Variants in DNM3 observed in about 807,000 individuals in gnomAD.
The protein encoded by DNM3 is dynamin-3.
Under a neutral mutation model 101.6 loss-of-function variants are expected in DNM3, and 47 were observed. The observed-to-expected ratio is 0.46, with a 90% CI of 0.37 to 0.59. DNM3 has a LOEUF of 0.59. DNM3 is among the 20% of genes least tolerant of loss of function. DNM3 has a pLI of 0.00. For synonymous variants in DNM3, 385 were observed against 387.9 expected (o/e 0.99, Z 0.09); for missense variants, 849 against 1,085.7 (o/e 0.78, Z 3.06).
Position 172,409,927 on chromosome 1 carries a change from C to G in DNM3, c.*2086C>G. On this transcript the variant is annotated 3_prime_UTR_variant, in exon 21 of 21. Transcript: ENST00000627582. ...TGGTGTGTTCTTAGATCAGCACAAA[C>G]CATGTCAAAAAAAATTGGAGATTTT... 1 of 985,632 alleles carries G rather than the reference C, an allele frequency of 1.0e-6. No homozygotes were observed. Among genetic ancestry groups the G allele is most frequent in the Non-Finnish European group, 1.2e-6 (1 of 829,848 alleles). The allele number at this position is 985,632 out of a possible 1,614,324, so 61.1% of individuals were successfully genotyped here.
At chr1:172,106,375 C>T (rs1221456996) in intron 13 of DNM3, among the ~76,000 whole-genome samples, 1 of 151,922 alleles carries the variant, frequency 6.6e-6, no homozygotes, top group Admixed American at 6.6e-5. Flanking sequence ...GAGCCGACAT[C>T]GTGCCACTGT....
At chr1:172,099,541 G>C (rs376053213) in intron 13 of DNM3, among the ~76,000 whole-genome samples, 39 of 149,496 alleles carry the variant, frequency 2.6e-4, no homozygotes, top group Middle Eastern at 6.8e-3. Context: ...GTGGGAAATA[G>C]AAAAATATAC....
intron 15 of DNM3, among the ~76,000 whole-genome samples, chr1:172,269,784 AGCGTGGG>A (rs538961439): frequency 2.1e-4 from 32 of 152,316 alleles, no homozygotes; most frequent in Non-Finnish European, 4.0e-4. Flanking sequence ...AATTTGTGAT[AGCGTGGG>A]GCCCCCAGGC....
At chr1:171,998,147 A>G (rs1019773822) in intron 4 of DNM3, among the ~76,000 whole-genome samples, 2 of 152,140 alleles carry the variant, frequency 1.3e-5, no homozygotes, top group Non-Finnish European at 2.9e-5. Flanking sequence ...TCTTTCCATT[A>G]TATCATCTAT....
intron 2 of DNM3, among the ~76,000 whole-genome samples, chr1:171,949,069 A>G (rs1297281256): frequency 6.6e-6 from 1 of 152,216 alleles, no homozygotes; most frequent in Non-Finnish European, 1.5e-5. Context: ...TCAGAAATTT[A>G]TCATTTTCAT....
At chr1:172,256,905 G>GCT (rs1553211146) in intron 15 of DNM3, among the ~76,000 whole-genome samples, 2 of 144,552 alleles carry the variant, frequency 1.4e-5, no homozygotes, top group Admixed American at 1.4e-4. Flanking sequence ...TCTTCATCAT[G>GCT]TTTTTTTTTT....
intron 13 of DNM3, among the ~76,000 whole-genome samples, chr1:172,123,839 A>G (rs142678582): frequency 2.1e-4 from 32 of 152,222 alleles, no homozygotes; most frequent in African/African-American, 7.7e-4. Context: ...CTGGTGGCCA[A>G]CCAGGGCTGT....
rs1477771016 is a variant in DNM3 at position 172,408,196 on chromosome 1, A to T, written c.*355A>T. 1 of 1,064,084 alleles carries T rather than the reference A, an allele frequency of 9.4e-7. No homozygotes were observed. The highest frequency in any genetic ancestry group is 1.1e-6 in the Non-Finnish European group (1 of 877,618). 65.9% of individuals were successfully genotyped at this position (1,064,084 alleles called of 1,614,324 possible). Reference sequence around the variant, plus strand: ...TAGCTCATTAAACGTAATTCTTCAGATATGAGATAGTGGGCTTAGACCTAA... The same window carrying T: ...TAGCTCATTAAACGTAATTCTTCAGTTATGAGATAGTGGGCTTAGACCTAA... On this transcript the variant is annotated 3_prime_UTR_variant, in exon 21 of 21. Coordinates refer to ENST00000627582, the MANE Select transcript of DNM3 (RefSeq NM_015569.5).
chr1:172,364,945 A>G lies in DNM3; in HGVS notation c.1894-14073A>G, dbSNP rs569391373. ...CAGAAGCCAGGCAGATGCTAGTATC[A>G]TGCTTTCTGTACAGCCTGCAGAGTC... is the stretch of plus-strand genomic sequence containing the variant. On this transcript the variant is annotated intron_variant, in intron 17 of 20. Coordinates refer to ENST00000627582, the MANE Select transcript of DNM3 (RefSeq NM_015569.5). Among the ~76,000 whole-genome samples the G allele has an allele frequency of 2.0e-5, 3 of 151,864 alleles. No homozygotes were observed. The South Asian group carries it at 6.2e-4, about 31-fold the overall frequency.
intron 2 of DNM3, among the ~76,000 whole-genome samples, chr1:171,965,529 C>T (rs183766276): frequency 1.4e-5 from 2 of 145,724 alleles, no homozygotes; most frequent in Non-Finnish European, 3.0e-5. Flanking sequence ...AAAGCCTGGA[C>T]AACAGAGCTA....
At chr1:172,113,173 TA>T (rs1325633722) in intron 13 of DNM3, among the ~76,000 whole-genome samples, 4 of 152,156 alleles carry the variant, frequency 2.6e-5, no homozygotes, top group African/African-American at 9.7e-5. Context: ...TGGAAAGAAG[TA>T]AAAAATTATA....
At chr1:172,236,091 C>T (rs1015034224) in intron 14 of DNM3, among the ~76,000 whole-genome samples, 2 of 152,142 alleles carry the variant, frequency 1.3e-5, no homozygotes, top group Non-Finnish European at 2.9e-5. Context: ...CCAATCAGTG[C>T]TCCACTCCAA....
intron 17 of DNM3, among the ~76,000 whole-genome samples, chr1:172,365,352 G>A (rs554209087): frequency 6.6e-5 from 10 of 151,818 alleles, no homozygotes; most frequent in Non-Finnish European, 1.3e-4. Context: ...GTTGAGTAAC[G>A]AGAGATTAAT....
At chr1:172,191,778 A>G (rs920075320) in intron 14 of DNM3, among the ~76,000 whole-genome samples, 23 of 152,134 alleles carry the variant, frequency 1.5e-4, no homozygotes, top group African/African-American at 5.6e-4. Context: ...CTTTGAAGCA[A>G]TTGTGAATGG....
chr1:171,964,507 T>C (rs895878756), intron 2 of DNM3, among the ~76,000 whole-genome samples: 2 of 152,166 alleles, frequency 1.3e-5, no homozygotes, highest in Non-Finnish European at 2.9e-5. Context: ...CATGTACCGA[T>C]GGATGTCTTA....
intron 1 of DNM3, among the ~76,000 whole-genome samples, chr1:171,848,923 T>C (rs983083504): frequency 1.4e-4 from 22 of 152,230 alleles, no homozygotes; most frequent in African/African-American, 4.3e-4. Context: ...CTAATATCCC[T>C]GCTGCAAGTC....
At chr1:172,320,337 C>G (rs2065643402) in intron 16 of DNM3, among the ~76,000 whole-genome samples, 1 of 148,936 alleles carries the variant, frequency 6.7e-6, no homozygotes, top group Admixed American at 6.8e-5. Context: ...ACATATGTAA[C>G]TAACCTGAAC....
chr1:172,268,715 C>T (rs191327204), intron 15 of DNM3, among the ~76,000 whole-genome samples: 1 of 152,254 alleles, frequency 6.6e-6, no homozygotes, highest in Admixed American at 6.5e-5. Flanking sequence ...TGAAAGACAA[C>T]ATAATTTCTT....
intron 15 of DNM3, 59 bp downstream of exon 15, chr1:172,253,741 C>T: frequency 8.8e-7 from 1 of 1,138,786 alleles, no homozygotes; most frequent in Non-Finnish European, 1.2e-6. Flanking sequence ...CTACATGATT[C>T]AGAGATCATA....
Sources: gnomAD v4.1 joint callset for allele counts (sites outside exome capture counted in the v4.1 genomes callset) on GRCh38, gnomAD v4.1.1 for gene constraint, MANE v1.5 for transcripts, NCBI Gene and HGNC (gene_info 2026-07-23, HGNC 2026-07-21) for gene names.